GALNT18: variants seen among roughly 807,000 people sequenced by gnomAD.
GALNT18 encodes polypeptide N-acetylgalactosaminyltransferase 18.
In GALNT18, 44 loss-of-function variants were observed where a neutral mutation model predicts 69.5. The observed-to-expected ratio is 0.63, with a 90% CI of 0.50 to 0.81. The LOEUF is 0.81. Among genes scored for constraint, GALNT18 ranks in the 40% least tolerant of loss-of-function variants. The pLI is 0.00. For synonymous variants in GALNT18, 364 were observed against 318.2 expected (o/e 1.14, Z -1.53); for missense variants, 715 against 810.0 (o/e 0.88, Z 1.42).
intron 1 of GALNT18, among the ~76,000 whole-genome samples, chr11:11,457,043 C>G (rs1855939978): frequency 6.6e-6 from 1 of 152,158 alleles, no homozygotes; most frequent in Non-Finnish European, 1.5e-5. Flanking sequence ...ATTGGCCAAG[C>G]AAGAGGAGCA....
At chr11:11,433,704 G>A (rs116705177) in intron 2 of GALNT18, among the ~76,000 whole-genome samples, 2,823 of 152,330 alleles carry the variant, frequency 0.019, 88 homozygotes, top group African/African-American at 0.065. Flanking sequence ...TGTCTCCTGA[G>A]GGTAGTTCCC....
intron 9 of GALNT18, among the ~76,000 whole-genome samples, chr11:11,319,971 CT>C (rs1849815952): frequency 6.6e-6 from 1 of 151,996 alleles, no homozygotes; most frequent in Admixed American, 6.6e-5. Flanking sequence ...TTATTTAATC[CT>C]TATAACAACT....
In GALNT18 at chr11:11,413,445, G is replaced by C. The variant is rs766415911; in HGVS notation, c.595+19176C>G. On this transcript the variant is annotated intron_variant, in intron 3 of 10. Transcript: ENST00000227756. This position sits in a 1 kb window ranked among gnomAD's most constrained non-coding sequence, Gnocchi z 4.7. ...TTAATCAGGGATTTGATCATCCTAC[G>C]GACGATTCCTTATTCACGTTCATTC... is the stretch of plus-strand genomic sequence containing the variant. Among the ~76,000 whole-genome samples, 6 of 152,144 alleles carry C rather than the reference G, an allele frequency of 3.9e-5. No homozygotes were observed. Among genetic ancestry groups the C allele is most frequent in the East Asian group, 1.9e-4 (1 of 5,192 alleles).
At chr11:11,608,014 A>G (rs1468964347) in intron 1 of GALNT18, among the ~76,000 whole-genome samples, 1 of 152,248 alleles carries the variant, frequency 6.6e-6, no homozygotes, top group Admixed American at 6.5e-5. Flanking sequence ...TGGAGGGCTC[A>G]GAACTTCAGA....
intron 1 of GALNT18, among the ~76,000 whole-genome samples, chr11:11,499,083 CAT>C (rs1856924860): frequency 1.3e-5 from 2 of 152,332 alleles, no homozygotes; most frequent in African/African-American, 4.8e-5. Flanking sequence ...CAGCAACTTA[CAT>C]ATGTTACCTC....
At position 11,586,745 on chromosome 11, in the gene GALNT18, G is replaced by A. The variant is rs536725066; in HGVS notation, c.235+34614C>T. ...TCACAGCCCTTTGGGACGCCGAGGC[G>A]GGCAGATCACCTGAGGTCAGGAGTT... On this transcript the variant is annotated intron_variant, in intron 1 of 10. Coordinates refer to ENST00000227756, the MANE Select transcript of GALNT18 (RefSeq NM_198516.3). This position sits in a 1 kb window ranked among gnomAD's most constrained non-coding sequence, Gnocchi z 4.1. Among the ~76,000 whole-genome samples the A allele has an allele frequency of 1.3e-4, 20 of 152,078 alleles. No homozygotes were observed. The highest frequency in any genetic ancestry group is 2.2e-4 in the Non-Finnish European group (15 of 68,030).
intron 3 of GALNT18, among the ~76,000 whole-genome samples, chr11:11,428,591 C>T (rs1414958467): frequency 6.6e-6 from 1 of 152,204 alleles, no homozygotes; most frequent in Non-Finnish European, 1.5e-5. Context: ...TGCTTCTGTG[C>T]CCTGGATCCC....
intron 1 of GALNT18, among the ~76,000 whole-genome samples, chr11:11,460,089 C>T (rs148670688): frequency 2.0e-5 from 3 of 152,322 alleles, no homozygotes; most frequent in Non-Finnish European, 2.9e-5. Flanking sequence ...AGGACCCCTA[C>T]GGTTGCGTTA....
At chr11:11,534,941 C>T (rs976582614) in intron 1 of GALNT18, among the ~76,000 whole-genome samples, 2 of 152,268 alleles carry the variant, frequency 1.3e-5, no homozygotes, top group South Asian at 2.1e-4. Context: ...CGGCACAATG[C>T]AGTGGGGACG....
At chr11:11,303,763 A>G (rs1849535094) in intron 9 of GALNT18, among the ~76,000 whole-genome samples, 1 of 152,156 alleles carries the variant, frequency 6.6e-6, no homozygotes, top group South Asian at 2.1e-4. Flanking sequence ...CACCCTTCTG[A>G]CCTGGGACTG....
At chr11:11,398,786 A>G (rs1854391944) in intron 3 of GALNT18, among the ~76,000 whole-genome samples, 1 of 152,230 alleles carries the variant, frequency 6.6e-6, no homozygotes, top group Non-Finnish European at 1.5e-5. Flanking sequence ...TACTACAGAC[A>G]ATGGGACTTA....
chr11:11,409,496 C>G (rs61870274), intron 3 of GALNT18, among the ~76,000 whole-genome samples: 7 of 152,002 alleles, frequency 4.6e-5, no homozygotes, highest in African/African-American at 9.7e-5. Context: ...CACAAGCCAG[C>G]CTTCCTGTGC....
intron 3 of GALNT18, among the ~76,000 whole-genome samples, chr11:11,398,327 T>C (rs1401101910): frequency 6.6e-6 from 1 of 152,190 alleles, no homozygotes; most frequent in Non-Finnish European, 1.5e-5. Flanking sequence ...GCTCACTGGG[T>C]AGCTGGTGAA....
intron 1 of GALNT18, among the ~76,000 whole-genome samples, chr11:11,507,793 C>A (rs1857093889): frequency 6.6e-6 from 1 of 152,086 alleles, no homozygotes; most frequent in Non-Finnish European, 1.5e-5. Context: ...GTAGACCCAC[C>A]CTCAATCCGG....
intron 9 of GALNT18, among the ~76,000 whole-genome samples, chr11:11,294,869 G>A (rs1455503943): frequency 2.0e-5 from 3 of 152,160 alleles, no homozygotes; most frequent in African/African-American, 7.2e-5. Context: ...CTCATCACTA[G>A]TGCTCCCCTG....
intron 7 of GALNT18, among the ~76,000 whole-genome samples, chr11:11,335,494 T>C (rs188586320): frequency 8.5e-5 from 13 of 152,344 alleles, no homozygotes; most frequent in African/African-American, 3.1e-4. Context: ...AAACAATAAA[T>C]GCATCTTCCT....
At chr11:11,593,755 C>A (rs930712596) in intron 1 of GALNT18, among the ~76,000 whole-genome samples, 1 of 152,062 alleles carries the variant, frequency 6.6e-6, no homozygotes, top group Non-Finnish European at 1.5e-5. Context: ...ACAGCAAGAC[C>A]CCATTTCTAA....
chr11:11,275,167 T>A (rs1240574755), intron 10 of GALNT18, among the ~76,000 whole-genome samples: 1 of 152,252 alleles, frequency 6.6e-6, no homozygotes, highest in Non-Finnish European at 1.5e-5. Context: ...ACCAACAGTG[T>A]AAAAGTGTTC....
rs552261082 is a variant in GALNT18, at chr11:11,320,374, C to T, written c.1512+6712G>A. Among the ~76,000 whole-genome samples the T allele has an allele frequency of 1.6e-4, 25 of 152,316 alleles. No individual in the cohort carries two copies. Among genetic ancestry groups the T allele is most frequent in the African/African-American group, 4.6e-4 (19 of 41,562 alleles). On this transcript the variant is annotated intron_variant, in intron 9 of 10. Transcript: ENST00000227756. This position sits in a 1 kb window ranked among gnomAD's most constrained non-coding sequence, Gnocchi z 4.9. The stretch of plus-strand genomic sequence containing the variant: ...CACAATGGCATGTGACAGTTCCATC[C>T]GTGCATACACGACCTTCCCAAAGCT...
Sources: gnomAD v4.1 joint callset for allele counts (sites outside exome capture counted in the v4.1 genomes callset) on GRCh38, gnomAD v4.1.1 for gene constraint, Gnocchi (gnomAD v3.1) non-coding constraint, MANE v1.5 for transcripts, NCBI Gene and HGNC (gene_info 2026-07-23, HGNC 2026-07-21) for gene names.